Variants in ATL1 observed in about 807,000 individuals in gnomAD.
The protein encoded by ATL1 is atlastin GTPase 1, also known as atlastin-1.
In ATL1, 31 loss-of-function variants were observed where a neutral mutation model predicts 75.5. The ratio of observed to expected loss-of-function variants is 0.41; its 90% CI spans 0.31 to 0.55. The LOEUF (loss-of-function observed/expected upper bound fraction) is 0.55, where lower values mean the gene tolerates loss of function less well. Ranked by LOEUF, ATL1 falls within the 20% of genes least tolerant of loss-of-function variation. ATL1 has a pLI of 0.27. For synonymous variants in ATL1, 226 were observed against 233.3 expected, an observed-to-expected ratio of 0.97 and a Z score of 0.28; for missense variants, 405 against 662.6, an observed-to-expected ratio of 0.61 and a Z score of 4.27.
upstream of ATL1, chr14:50,559,421 T>C (rs1166875763): frequency 6.6e-6 from 1 of 152,222 alleles, no homozygotes; most frequent in Non-Finnish European, 1.5e-5. Flanking sequence ...AGATTGAAAG[T>C]ATTTTTATTT....
intron 1 of ATL1, among the ~76,000 whole-genome samples, chr14:50,582,173 T>G (rs2039061773): frequency 1.3e-5 from 2 of 151,546 alleles, no homozygotes. Flanking sequence ...TTCCAGATAC[T>G]TGGGAGGCTG....
chr14:50,589,805 C>T (rs894080365), intron 2 of ATL1, among the ~76,000 whole-genome samples: 2 of 152,154 alleles, frequency 1.3e-5, no homozygotes, highest in Non-Finnish European at 2.9e-5. Context: ...TAATTAAATA[C>T]ATTTTTCTTT....
chr14:50,556,510 A>G (rs1423315063), upstream of ATL1, among the ~76,000 whole-genome samples: 3 of 152,222 alleles, frequency 2.0e-5, no homozygotes, highest in Non-Finnish European at 2.9e-5. Flanking sequence ...GAGCCACTGC[A>G]CCCAGCCTAA....
chr14:50,551,597 T>C (rs2038703542), intron 1 of ATL1, among the ~76,000 whole-genome samples: 1 of 152,058 alleles, frequency 6.6e-6, no homozygotes, highest in African/African-American at 2.4e-5. Context: ...GACCATTATC[T>C]CTGATGAACA....
chr14:50,610,851 T>C (rs1159008274), intron 6 of ATL1, among the ~76,000 whole-genome samples: 5 of 152,138 alleles, frequency 3.3e-5, no homozygotes, highest in African/African-American at 4.8e-5. Flanking sequence ...TTTGGAGTTA[T>C]CTATTTCTTT....
intron 10 of ATL1, among the ~76,000 whole-genome samples, chr14:50,622,179 G>A (rs1473857786): frequency 6.6e-6 from 1 of 152,168 alleles, no homozygotes; most frequent in Non-Finnish European, 1.5e-5. Context: ...ATTCACACAT[G>A]TAACACACAG....
At position 50,620,732 on chromosome 14, in the gene ATL1, A is replaced by C. The variant is rs1433797899; in HGVS notation, c.990+6A>C. The C allele has an allele frequency of 6.2e-7, 1 of 1,612,932 alleles. No homozygotes were observed. On this transcript the variant is annotated splice_donor_region_variant and intron_variant, in intron 9 of 13. Transcript: ENST00000358385. ...GTCTGGTGGAGTACTTCAAGGTATC[A>C]CTCTCATTTCTAGAGCATTCGTGGG... is the stretch of plus-strand genomic sequence containing the variant.
In ATL1 at chr14:50,560,163, G is replaced by A; in HGVS notation, c.-103G>A. On this transcript the variant is annotated 5_prime_UTR_variant, in exon 1 of 14. Coordinates refer to ENST00000358385, the MANE Select transcript of ATL1 (RefSeq NM_015915.5). ...CATCCTCAGAGTCTGAGCGAACTGC[G>A]CCCAGCGCGGGCACGGAGCCTCCCA... 7.1e-7 allele frequency: 1 copy of A among 1,408,118 alleles called. No homozygotes were observed. 87.2% of individuals were successfully genotyped at this position (1,408,118 alleles called of 1,614,324 possible). A position where few individuals can be genotyped will look rare whatever the true frequency, so the allele number is the denominator to read the frequency against.
Position 50,587,816 on chromosome 14 carries a change from T to A in ATL1, c.35-15T>A. Reference sequence around the variant, plus strand: ...TGAGATGATTAGCTGAACCAGTCACTGCTCTGTTCAACAGGTGGATTTTCG... The same window carrying A: ...TGAGATGATTAGCTGAACCAGTCACAGCTCTGTTCAACAGGTGGATTTTCG... On this transcript the variant is annotated splice_polypyrimidine_tract_variant and intron_variant, in intron 1 of 13. Coordinates refer to ENST00000358385, the MANE Select transcript of ATL1 (RefSeq NM_015915.5). 1 of 1,614,190 alleles carries A rather than the reference T, an allele frequency of 6.2e-7. No homozygotes were observed.
At chr14:50,560,519 C>G (rs2038825791) in intron 1 of ATL1, 1 of 605,690 alleles carries the variant, frequency 1.7e-6, no homozygotes, top group African/African-American at 1.9e-5. Context: ...TGCAGCTTCG[C>G]GCAGGCCGGG....
In ATL1 at chr14:50,546,999, C is replaced by T. The variant is rs765585727; in HGVS notation, c.-139-13128C>T. Among the ~76,000 whole-genome samples the T allele has an allele frequency of 1.1e-4, 16 of 152,048 alleles. 1 individual carries two copies. The highest frequency in any genetic ancestry group is 1.9e-4 in the Non-Finnish European group (13 of 68,012). ...CTATCCCTCCCCTAGCCCCCCACCC[C>T]CCAACAGGCCCTGGTGTTTCTCACT... On this transcript the variant is annotated intron_variant, in intron 1 of 13. Coordinates refer to the ATL1 transcript ENST00000441560.
intron 6 of ATL1, among the ~76,000 whole-genome samples, chr14:50,599,680 T>C (rs1243013848): frequency 1.3e-5 from 2 of 152,102 alleles, no homozygotes; most frequent in Admixed American, 1.3e-4. Context: ...GAATAGAGTG[T>C]TAAAATTTGT....
intron 1 of ATL1, among the ~76,000 whole-genome samples, chr14:50,573,313 G>A (rs566893184): frequency 1.4e-4 from 21 of 151,880 alleles, no homozygotes; most frequent in South Asian, 8.3e-4. Context: ...ATTTTGTATC[G>A]CACCACTTTC....
At chr14:50,580,002 T>C (rs1167346362) in intron 1 of ATL1, among the ~76,000 whole-genome samples, 1 of 152,258 alleles carries the variant, frequency 6.6e-6, no homozygotes, top group Non-Finnish European at 1.5e-5. Flanking sequence ...AGTTATAATC[T>C]ACATACAGTA....
rs182138743 is a variant in ATL1 at position 50,620,191 on chromosome 14, G to C, written c.863-408G>C. The stretch of plus-strand genomic sequence containing the variant: ...GAGAATTGCTTGAACCCAGGAGGCA[G>C]AGGTTGCAGTGAGCTGAGATTGCAC... On this transcript the variant is annotated intron_variant, in intron 8 of 13. Transcript: ENST00000358385. 2.0e-5 allele frequency among the ~76,000 whole-genome samples: 3 copies of C among 152,310 alleles called. No homozygotes were observed. In the East Asian group the frequency reaches 5.8e-4, roughly 29 times the overall value.
intron 6 of ATL1, among the ~76,000 whole-genome samples, chr14:50,604,241 G>T (rs1397031677): frequency 6.6e-6 from 1 of 152,112 alleles, no homozygotes; most frequent in Non-Finnish European, 1.5e-5. Context: ...CTAGGCCACA[G>T]CTCAGAGCCC....
chr14:50,632,294 A>C lies in ATL1; in HGVS notation c.1632A>C (p.Thr544=), dbSNP rs2039590161. Reference sequence around the variant, plus strand: ...ATCTGTATCATCAAGCTTTCCCTACACCAAAGTCGGAATCTACTGAACAAT... The same window carrying C: ...ATCTGTATCATCAAGCTTTCCCTACCCCAAAGTCGGAATCTACTGAACAAT... ...HRHLYHQAFP[T]PKSESTEQSE... Residue 544 remains threonine, a synonymous_variant, in exon 14 of 14, where the codon ACA becomes ACC. Coordinates refer to ENST00000358385, the MANE Select transcript of ATL1 (RefSeq NM_015915.5). 6.2e-7 allele frequency: 1 copy of C among 1,613,516 alleles called. No individual in the cohort carries two copies.
chr14:50,545,471 A>G (rs1278167151), intron 1 of ATL1, among the ~76,000 whole-genome samples: 6 of 152,240 alleles, frequency 3.9e-5, no homozygotes, highest in South Asian at 4.1e-4. Context: ...GTGGGGTGAA[A>G]TAGTCCAACT....
At chr14:50,625,343 T>TA (rs1310988482) in intron 11 of ATL1, among the ~76,000 whole-genome samples, 1 of 152,174 alleles carries the variant, frequency 6.6e-6, no homozygotes, top group Admixed American at 6.5e-5. Flanking sequence ...CTCCGTAACA[T>TA]AAAGTGCAAG....
Sources: gnomAD v4.1 joint callset for allele counts (sites outside exome capture counted in the v4.1 genomes callset) on GRCh38, gnomAD v4.1.1 for gene constraint, MANE v1.5 for transcripts, NCBI Gene and HGNC (gene_info 2026-07-23, HGNC 2026-07-21) for gene names.